The following SLC1A2 variants were observed in gnomAD, a reference collection of about 807,000 sequenced individuals.
SLC1A2 encodes solute carrier family 1 member 2, also known as excitatory amino acid transporter 2.
SLC1A2 carries 15 observed loss-of-function variants against 48.8 expected under a neutral mutation model. The observed-to-expected ratio is 0.31, with a 90% confidence interval of 0.21 to 0.47. The LOEUF is 0.47. SLC1A2 is among the 20% of genes least tolerant of loss of function. The pLI, the probability that SLC1A2 is intolerant of heterozygous loss-of-function variation, is 0.99. For synonymous variants in SLC1A2, 279 were observed against 272.6 expected, an observed-to-expected ratio of 1.02 and a Z score of -0.23; for missense variants, 502 against 730.5, an observed-to-expected ratio of 0.69 and a Z score of 3.61.
chr11:35,354,401 C>T (rs972769135), intron 1 of SLC1A2, among the ~76,000 whole-genome samples: 1 of 152,112 alleles, frequency 6.6e-6, no homozygotes, highest in Non-Finnish European at 1.5e-5. Context: ...TTCCAGGCTG[C>T]AGTGGGCTAC....
chr11:35,275,112 T>C (rs1367463884), intron 9 of SLC1A2, among the ~76,000 whole-genome samples: 2 of 152,322 alleles, frequency 1.3e-5, no homozygotes, highest in East Asian at 3.9e-4. Flanking sequence ...TTTTGGTGCA[T>C]GCTCGAGTTT....
intron 5 of SLC1A2, among the ~76,000 whole-genome samples, chr11:35,302,457 T>A (rs1851384321): frequency 6.6e-6 from 1 of 152,180 alleles, no homozygotes; most frequent in Admixed American, 6.5e-5. Flanking sequence ...TTGACTTGTA[T>A]CTAAGTCCAG....
intron 1 of SLC1A2, among the ~76,000 whole-genome samples, chr11:35,346,904 C>T (rs1853058650): frequency 6.6e-6 from 1 of 152,204 alleles, no homozygotes; most frequent in South Asian, 2.1e-4. Context: ...AGACCTCGTG[C>T]TCACAGCAGT....
intron 1 of SLC1A2, among the ~76,000 whole-genome samples, chr11:35,383,795 T>C (rs772332553): frequency 6.6e-6 from 1 of 152,224 alleles, no homozygotes; most frequent in Non-Finnish European, 1.5e-5. Context: ...TGGCTTACAG[T>C]AGATGCTTGA....
chr11:35,371,736 C>T (rs1426130664), intron 1 of SLC1A2, among the ~76,000 whole-genome samples: 5 of 152,184 alleles, frequency 3.3e-5, no homozygotes, highest in Non-Finnish European at 7.4e-5. Flanking sequence ...AGCAACCATC[C>T]ACTTCACCTA....
rs1366545998 is a variant in SLC1A2, at chr11:35,259,792, C to A, written c.*1102G>T. 2.6e-5 allele frequency: 4 copies of A among 152,262 alleles called. No individual in the cohort carries two copies. The East Asian group carries it at 7.7e-4, about 29-fold the overall frequency. The allele number at this position is 152,262 out of a possible 1,614,324, so 9.4% of individuals were successfully genotyped here. ...TTTTATGTGCTTTGATAGAAGATAA[C>A]AAAACGCTTTCAACATATTGGATAA... On this transcript the variant is annotated 3_prime_UTR_variant, in exon 11 of 11. Transcript: ENST00000278379.
chr11:35,305,415 T>C (rs1324484050), intron 5 of SLC1A2, among the ~76,000 whole-genome samples: 1 of 152,076 alleles, frequency 6.6e-6, no homozygotes, highest in Admixed American at 6.6e-5. Flanking sequence ...CTCAGAGAAA[T>C]GGAGTAACTT....
rs1388757163 is a variant in SLC1A2 at position 35,252,955 on chromosome 11, A to G, written c.*7939T>C. Reference sequence around the variant, plus strand: ...ATTATTGCCAGTCGAGGGTACATCTAATCTGTTTGTTTAATGAAGAGCAGG... The same window carrying G: ...ATTATTGCCAGTCGAGGGTACATCTGATCTGTTTGTTTAATGAAGAGCAGG... On this transcript the variant is annotated 3_prime_UTR_variant, in exon 11 of 11. Coordinates refer to ENST00000278379, the MANE Select transcript of SLC1A2 (RefSeq NM_004171.4). The G allele has an allele frequency of 2.0e-5, 3 of 152,554 alleles. No individual in the cohort carries two copies. Among genetic ancestry groups the G allele is most frequent in the Non-Finnish European group, 4.4e-5 (3 of 68,024 alleles). The allele number at this position is 152,554 out of a possible 1,614,324, so 9.5% of individuals were successfully genotyped here. A position where few individuals can be genotyped will look rare whatever the true frequency, so the allele number is the denominator to read the frequency against.
intron 9 of SLC1A2, among the ~76,000 whole-genome samples, chr11:35,270,811 G>C (rs1171718818): frequency 6.6e-6 from 1 of 152,218 alleles, no homozygotes; most frequent in African/African-American, 2.4e-5. Flanking sequence ...GGAACACTTA[G>C]ATGAATTCAG....
intron 1 of SLC1A2, among the ~76,000 whole-genome samples, chr11:35,395,375 G>C (rs1854920507): frequency 6.6e-6 from 1 of 151,918 alleles, no homozygotes; most frequent in Admixed American, 6.6e-5. Flanking sequence ...GGGGAATTAA[G>C]GGACAGGAGA....
At chr11:35,279,190 G>A (rs950818338) in intron 9 of SLC1A2, among the ~76,000 whole-genome samples, 3 of 152,184 alleles carry the variant, frequency 2.0e-5, no homozygotes, top group Non-Finnish European at 4.4e-5. Context: ...TGGCATTGCC[G>A]GAGGCCCTAT....
At chr11:35,389,708 GATCCACCC>G (rs1388879203) in intron 1 of SLC1A2, among the ~76,000 whole-genome samples, 2 of 152,136 alleles carry the variant, frequency 1.3e-5, no homozygotes, top group Non-Finnish European at 2.9e-5. Context: ...GAACTCAGGT[GATCCACCC>G]ATCTCAGCCT....
chr11:35,410,996 A>G (rs1855443136), intron 1 of SLC1A2, among the ~76,000 whole-genome samples: 1 of 152,236 alleles, frequency 6.6e-6, no homozygotes, highest in Admixed American at 6.5e-5. Flanking sequence ...AAAAGAATCT[A>G]AAGTTCAATG....
rs562761191 is a variant in SLC1A2 at position 35,287,951 on chromosome 11, C to T, written c.1092-1000G>A. Among the ~76,000 whole-genome samples, 8 of 152,252 alleles carry T rather than the reference C, an allele frequency of 5.3e-5. No individual in the cohort carries two copies. The South Asian group carries it at 8.3e-4, about 16-fold the overall frequency. On this transcript the variant is annotated intron_variant, in intron 7 of 10. Coordinates refer to ENST00000278379, the MANE Select transcript of SLC1A2 (RefSeq NM_004171.4). ...AACTTTAGCAAAGTGAATTAGAAAA[C>T]CTGCAATGCAGATAACATTTGGAGG...
intron 4 of SLC1A2, among the ~76,000 whole-genome samples, chr11:35,309,488 T>C (rs112769828): frequency 0.052 from 7,950 of 152,192 alleles, 279 homozygotes; most frequent in African/African-American, 0.1. Flanking sequence ...CTCACTTTGG[T>C]TCAAAGTAAG....
At chr11:35,359,268 G>A (rs113845777) in intron 1 of SLC1A2, among the ~76,000 whole-genome samples, 6 of 152,322 alleles carry the variant, frequency 3.9e-5, no homozygotes, top group African/African-American at 1.4e-4. Flanking sequence ...AAGAACATGA[G>A]GCTGAAAGTA....
Position 35,319,337 on chromosome 11 carries a change from A to G in SLC1A2, c.18-1821T>C, listed in dbSNP as rs562279895. Among the ~76,000 whole-genome samples the G allele has an allele frequency of 2.0e-5, 3 of 152,326 alleles. No homozygotes were observed. In the South Asian group the frequency reaches 6.2e-4, roughly 32 times the overall value. ...GCAGTGGGATCTTTTTCCATTTTTA[A>G]ACATGTCTCCAGCAAGTAATCTGAA... On this transcript the variant is annotated intron_variant, in intron 1 of 10. Coordinates refer to ENST00000278379, the MANE Select transcript of SLC1A2 (RefSeq NM_004171.4).
Position 35,252,740 on chromosome 11 carries a change from T to G in SLC1A2, c.*8154A>C, listed in dbSNP as rs985134161. ...AACATGTCTACTGCATTTAGATGAA[T>G]AGCCAAAAATAACATATACATTTAA... On this transcript the variant is annotated 3_prime_UTR_variant, in exon 11 of 11. Coordinates refer to ENST00000278379, the MANE Select transcript of SLC1A2 (RefSeq NM_004171.4). 6.6e-6 allele frequency: 1 copy of G among 152,636 alleles called. No homozygotes were observed. Among genetic ancestry groups the G allele is most frequent in the African/African-American group, 2.4e-5 (1 of 41,456 alleles). The allele number at this position is 152,636 out of a possible 1,614,324, so 9.5% of individuals were successfully genotyped here. A position where few individuals can be genotyped will look rare whatever the true frequency, so the allele number is the denominator to read the frequency against.
At chr11:35,307,613 G>A (rs567231216) in intron 4 of SLC1A2, among the ~76,000 whole-genome samples, 1 of 152,314 alleles carries the variant, frequency 6.6e-6, no homozygotes, top group East Asian at 1.9e-4. Flanking sequence ...AATAGATACG[G>A]AAGAAGATGT....
Sources: gnomAD v4.1 joint callset for allele counts (sites outside exome capture counted in the v4.1 genomes callset) on GRCh38, gnomAD v4.1.1 for gene constraint, MANE v1.5 for transcripts, NCBI Gene and HGNC (gene_info 2026-07-23, HGNC 2026-07-21) for gene names.